EYA4: variants seen among roughly 807,000 people sequenced by gnomAD.
EYA4 encodes protein phosphatase EYA4.
A neutral mutation model predicts 87.9 loss-of-function variants in EYA4; 31 were observed. The observed-to-expected ratio is 0.35, with a 90% confidence interval of 0.27 to 0.48. The LOEUF is 0.48. Among genes scored for constraint, EYA4 ranks in the 20% least tolerant of loss-of-function variants. The pLI is 0.99. For missense variants in EYA4, 678 were observed against 761.4 expected, an observed-to-expected ratio of 0.89 and a Z score of 1.29; for synonymous variants, 263 against 270.6, an observed-to-expected ratio of 0.97 and a Z score of 0.28.
At chr6:133,351,645 T>G (rs1183540354) in intron 2 of EYA4, among the ~76,000 whole-genome samples, 1 of 152,234 alleles carries the variant, frequency 6.6e-6, no homozygotes, top group Non-Finnish European at 1.5e-5. Context: ...AGTCCTCCAC[T>G]GCCTTTGTCT....
At chr6:133,341,660 T>TA (rs35613080) in intron 2 of EYA4, among the ~76,000 whole-genome samples, 35 of 150,230 alleles carry the variant, frequency 2.3e-4, no homozygotes, top group African/African-American at 4.4e-4. Flanking sequence ...ATAGTTGCAT[T>TA]AAAAAAAAAA....
In EYA4 at chr6:133,350,378, G is replaced by T. The variant is rs368653797; in HGVS notation, c.34-32014G>T. On this transcript the variant is annotated intron_variant, in intron 2 of 19. Transcript: ENST00000355286. ...AGTGCAATAAGTACATAAACAAAAT[G>T]TTCTGATAGAGAATGCTGGGGTTAG... 4.6e-5 allele frequency among the ~76,000 whole-genome samples: 7 copies of T among 152,188 alleles called. 1 individual carries two copies. The highest frequency in any genetic ancestry group is 6.5e-5 in the Admixed American group (1 of 15,288).
At chr6:133,312,375 GGC>G (rs1432186075) in intron 2 of EYA4, among the ~76,000 whole-genome samples, 1 of 143,036 alleles carries the variant, frequency 7.0e-6, no homozygotes, top group South Asian at 2.3e-4. Flanking sequence ...GTGAGAGAGA[GGC>G]GCGTGCACAC....
intron 2 of EYA4, among the ~76,000 whole-genome samples, chr6:133,316,080 C>T (rs1035705738): frequency 1.3e-5 from 2 of 152,126 alleles, no homozygotes; most frequent in Admixed American, 6.5e-5. Flanking sequence ...ATTGATGTCC[C>T]TGTGTAGGTG....
rs1034933842 is a variant in EYA4 at position 133,391,292 on chromosome 6, T to G, written c.83+8851T>G. On this transcript the variant is annotated intron_variant, in intron 3 of 19. Transcript: ENST00000355286. Reference sequence around the variant, plus strand: ...GCTGGAGGGCTGGAGTGCAATGGCATGATCTTGGCTCACCACAACCTCCAC... The same window carrying G: ...GCTGGAGGGCTGGAGTGCAATGGCAGGATCTTGGCTCACCACAACCTCCAC... Among the ~76,000 whole-genome samples the G allele has an allele frequency of 4.8e-5, 7 of 146,986 alleles. No homozygotes were observed. The Admixed American group carries it at 5.0e-4, about 10-fold the overall frequency.
intron 3 of EYA4, among the ~76,000 whole-genome samples, chr6:133,403,936 G>A (rs1197126351): frequency 1.3e-5 from 2 of 152,128 alleles, no homozygotes; most frequent in African/African-American, 2.4e-5. Flanking sequence ...TCAGCCTCAC[G>A]AGTACGTGGG....
chr6:133,304,773 C>T (rs557676012), intron 2 of EYA4, among the ~76,000 whole-genome samples: 2 of 151,716 alleles, frequency 1.3e-5, no homozygotes, highest in African/African-American at 2.4e-5. Flanking sequence ...TTTGTGTATT[C>T]ATTCAACAGT....
chr6:133,495,558 G>T (rs1163615735), intron 13 of EYA4, among the ~76,000 whole-genome samples: 1 of 151,984 alleles, frequency 6.6e-6, no homozygotes, highest in Non-Finnish European at 1.5e-5. Context: ...GGTTTTTTCT[G>T]GTTGCAGTGA....
chr6:133,253,957 A>G (rs980647622), intron 1 of EYA4, among the ~76,000 whole-genome samples: 1 of 152,176 alleles, frequency 6.6e-6, no homozygotes, highest in Non-Finnish European at 1.5e-5. Context: ...TTTAAAGGGC[A>G]TTAGGTCCCA....
intron 2 of EYA4, among the ~76,000 whole-genome samples, chr6:133,333,202 A>T (rs6924629): frequency 2.0e-5 from 3 of 152,078 alleles, no homozygotes; most frequent in Admixed American, 1.3e-4. Flanking sequence ...GAAGGCAAGG[A>T]TCATGCTGAA....
chr6:133,311,360 C>CTGTT (rs1780201794), intron 2 of EYA4, among the ~76,000 whole-genome samples: 1 of 152,070 alleles, frequency 6.6e-6, no homozygotes, highest in Non-Finnish European at 1.5e-5. Context: ...GGGTCTCATG[C>CTGTT]TGTTGCCCAG....
At chr6:133,514,904 G>A (rs546249675) in intron 16 of EYA4, among the ~76,000 whole-genome samples, 3 of 152,262 alleles carry the variant, frequency 2.0e-5, no homozygotes, top group East Asian at 3.9e-4. Flanking sequence ...GAAGCTAAAC[G>A]TTTTCAGACA....
chr6:133,430,131 G>C (rs372878940), intron 3 of EYA4, among the ~76,000 whole-genome samples: 9 of 152,228 alleles, frequency 5.9e-5, no homozygotes, highest in East Asian at 3.9e-4. Flanking sequence ...TTGGTTTTCT[G>C]TTCCTGCAGT....
intron 5 of EYA4, among the ~76,000 whole-genome samples, chr6:133,450,597 A>G (rs889817391): frequency 3.5e-4 from 53 of 152,002 alleles, no homozygotes; most frequent in African/African-American, 1.1e-3. Context: ...TCCACCTCCC[A>G]GGTTCAAGTG....
At chr6:133,360,956 GA>G (rs1784404725) in intron 2 of EYA4, among the ~76,000 whole-genome samples, 1 of 152,214 alleles carries the variant, frequency 6.6e-6, no homozygotes, top group Non-Finnish European at 1.5e-5. Flanking sequence ...GGAAGACACA[GA>G]AGCGCTTTAG....
intron 3 of EYA4, among the ~76,000 whole-genome samples, chr6:133,390,271 G>A (rs1310124657): frequency 6.6e-6 from 1 of 152,040 alleles, no homozygotes; most frequent in East Asian, 1.9e-4. Context: ...CCAGACTGGA[G>A]TGCGGTGGCA....
At position 133,295,378 on chromosome 6, in the gene EYA4, G is replaced by A. The variant is rs1361264226; in HGVS notation, c.33+20565G>A. The stretch of plus-strand genomic sequence containing the variant: ...TTACTAGGACAACTGTCATTCTTAT[G>A]TAACATTTTAAAGTTTTGCATTGAG... On this transcript the variant is annotated intron_variant, in intron 2 of 19. Transcript: ENST00000355286. Among the ~76,000 whole-genome samples, 5 of 152,176 alleles carry A rather than the reference G, an allele frequency of 3.3e-5. No homozygotes were observed. The East Asian group carries it at 9.6e-4, about 29-fold the overall frequency.
intron 13 of EYA4, among the ~76,000 whole-genome samples, chr6:133,493,761 G>T (rs1216666280): frequency 6.6e-6 from 1 of 152,060 alleles, no homozygotes; most frequent in Non-Finnish European, 1.5e-5. Flanking sequence ...TTAATAATCT[G>T]AATAAAAACC....
chr6:133,379,325 C>T (rs1785974271), intron 2 of EYA4, among the ~76,000 whole-genome samples: 1 of 151,986 alleles, frequency 6.6e-6, no homozygotes, highest in African/African-American at 2.4e-5. Context: ...ATATATGGGT[C>T]AGCACTTGCC....
Sources: gnomAD v4.1 joint callset for allele counts (sites outside exome capture counted in the v4.1 genomes callset) on GRCh38, gnomAD v4.1.1 for gene constraint, MANE v1.5 for transcripts, NCBI Gene and HGNC (gene_info 2026-07-23, HGNC 2026-07-21) for gene names.